Variants in NLRP7 observed in about 807,000 individuals in gnomAD.
NLRP7 encodes the protein NACHT, LRR and PYD domains-containing protein 7.
Under a neutral mutation model 85.5 loss-of-function variants are expected in NLRP7, and 72 were observed. The observed-to-expected ratio is 0.84, with a 90% CI of 0.70 to 1.02. The LOEUF (loss-of-function observed/expected upper bound fraction) is 1.02. Ranked by LOEUF, NLRP7 falls within the 50% of genes least tolerant of loss-of-function variation. NLRP7 has a pLI of 0.00. For missense variants in NLRP7, 1,243 were observed against 1,219.5 expected (o/e 1.02, Z -0.29); for synonymous variants, 550 against 505.2 (o/e 1.09, Z -1.19).
exon 9 of NLRP7, chr19:54,930,560 G>A (rs1428013749): frequency 2.5e-6 from 4 of 1,612,194 alleles, no homozygotes; most frequent in East Asian, 2.2e-5. Flanking sequence ...CACAATCCAC[G>A]AGCTATCTGG....
intron 1 of NLRP7, among the ~76,000 whole-genome samples, chr19:54,964,035 A>T (rs2070184089): frequency 6.8e-6 from 1 of 147,562 alleles, no homozygotes; most frequent in African/African-American, 2.5e-5. Flanking sequence ...ACCCGCCACC[A>T]CGCCCGACTA....
chr19:54,923,527 A>T (rs1003826452), exon 10 of NLRP7: 2 of 621,494 alleles, frequency 3.2e-6, no homozygotes, highest in Non-Finnish European at 5.7e-6. Flanking sequence ...GAGTGCTCTA[A>T]CTTTATTATC....
intron 1 of NLRP7, among the ~76,000 whole-genome samples, chr19:54,956,784 C>T (rs2069871421): frequency 6.6e-6 from 1 of 151,492 alleles, no homozygotes; most frequent in Admixed American, 6.6e-5. Context: ...CACCCAACAC[C>T]ACGCCTTCTA....
At chr19:54,947,533 G>A (rs372417335), upstream of NLRP7, 6 of 1,289,546 alleles carry the variant, frequency 4.7e-6, no homozygotes, top group African/African-American at 9.1e-5. Context: ...AAAAAGGGGA[G>A]GTCTCTGGCC....
intron 1 of NLRP7, chr19:54,953,389 A>C (rs1333721160): frequency 2.0e-5 from 3 of 152,316 alleles, no homozygotes; most frequent in Non-Finnish European, 2.9e-5. Flanking sequence ...TGGGGGCTGC[A>C]TGCACTGGTA....
intron 1 of NLRP7, among the ~76,000 whole-genome samples, chr19:54,946,110 T>C (rs1360861916): frequency 6.6e-6 from 1 of 151,188 alleles, no homozygotes. Flanking sequence ...TTTCTCTATG[T>C]TGGCCAGGCT....
chr19:54,945,567 G>A (rs1051275037), intron 1 of NLRP7, among the ~76,000 whole-genome samples: 1 of 151,582 alleles, frequency 6.6e-6, no homozygotes, highest in Non-Finnish European at 1.5e-5. Context: ...ACCAGGCCTG[G>A]CCAAGTATTT....
At position 54,936,440 on chromosome 19, in the gene NLRP7, AAGCAGAAGAG is replaced by A. The variant is rs2068931558; in HGVS notation, c.2130-19_2130-10del. 6.2e-7 allele frequency: 1 copy of A among 1,612,254 alleles called. No homozygotes were observed. Among genetic ancestry groups the A allele is most frequent in the Admixed American group, 1.7e-5 (1 of 59,972 alleles). On this transcript the variant is annotated splice_polypyrimidine_tract_variant and intron_variant, in intron 5 of 9. Transcript: ENST00000340844. ...GGGTGACGTTTTTAATCCTAGGGAA[AAGCAGAAGAG>A]ATTCCACTTGGAGTGATTAATACTC...
intron 1 of NLRP7, among the ~76,000 whole-genome samples, chr19:54,956,097 G>A (rs531176127): frequency 1.4e-4 from 21 of 149,950 alleles, no homozygotes; most frequent in South Asian, 2.1e-4. Flanking sequence ...CCATGATCTC[G>A]CAACTGCACT....
Position 54,934,664 on chromosome 19 carries a change from G to C in NLRP7, c.2301-5C>G. The stretch of plus-strand genomic sequence containing the variant: ...GTGGCACAGTGACCTCCCAACCTGT[G>C]AAAAGAGTGGGAAAAGTCATTCTTC... On this transcript the variant is annotated splice_region_variant and splice_polypyrimidine_tract_variant and intron_variant, in intron 6 of 9. Transcript: ENST00000340844. This position sits in a 1 kb window ranked among gnomAD's most constrained non-coding sequence, Gnocchi z 6.7. 1 of 1,611,236 alleles carries C rather than the reference G, an allele frequency of 6.2e-7. No individual in the cohort carries two copies. Among genetic ancestry groups the C allele is most frequent in the Non-Finnish European group, 8.5e-7 (1 of 1,178,556 alleles).
chr19:54,925,010 G>C (rs1169597579), intron 9 of NLRP7, among the ~76,000 whole-genome samples: 1 of 152,078 alleles, frequency 6.6e-6, no homozygotes, highest in East Asian at 1.9e-4. Flanking sequence ...TGAACCCCAG[G>C]GTTAATGATA....
At chr19:54,935,803 C>T (rs2068894213) in intron 6 of NLRP7, among the ~76,000 whole-genome samples, 1 of 152,192 alleles carries the variant, frequency 6.6e-6, no homozygotes, top group South Asian at 2.1e-4. Context: ...TCCTCAGGCT[C>T]CCAAAGTGCG....
At chr19:54,946,086 C>G (rs924005901) in intron 1 of NLRP7, among the ~76,000 whole-genome samples, 1 of 149,738 alleles carries the variant, frequency 6.7e-6, no homozygotes, top group African/African-American at 2.5e-5. Flanking sequence ...CCACCGCGCC[C>G]GGCCGAGACA....
At chr19:54,927,831 C>T (rs996385503) in intron 9 of NLRP7, 56 bp from the exon 10 acceptor site, 11 of 1,488,102 alleles carry the variant, frequency 7.4e-6, no homozygotes, top group East Asian at 6.8e-5. Flanking sequence ...GTGGCTCAAG[C>T]GTGTAATCCC....
intron 1 of NLRP7, among the ~76,000 whole-genome samples, chr19:54,955,056 G>A (rs561478215): frequency 2.0e-5 from 3 of 152,150 alleles, no homozygotes; most frequent in South Asian, 2.1e-4. Flanking sequence ...GGCCGGGCGC[G>A]GTGGCTCACG....
At position 54,934,712 on chromosome 19, in the gene NLRP7, T is replaced by A; in HGVS notation, c.2301-53A>T. 7.0e-7 allele frequency: 1 copy of A among 1,433,460 alleles called. No individual in the cohort carries two copies. The highest frequency in any genetic ancestry group is 9.5e-7 in the Non-Finnish European group (1 of 1,057,426). The allele number at this position is 1,433,460 out of a possible 1,614,324, so 88.8% of individuals were successfully genotyped here. On this transcript the variant is annotated intron_variant, in intron 6 of 9. Coordinates refer to ENST00000340844, the Ensembl canonical transcript of NLRP7. The surrounding 1 kb of genome is among the most constrained non-coding windows in gnomAD (Gnocchi z 6.7). Reference sequence around the variant, plus strand: ...TTCTGGGAGGACAGAGTATACCCTATCAGCTTTTTTTTTTTGAGACAGAGT... The same window carrying A: ...TTCTGGGAGGACAGAGTATACCCTAACAGCTTTTTTTTTTTGAGACAGAGT...
chr19:54,947,889 TA>T (rs151055964), upstream of NLRP7: 4,146 of 249,058 alleles, frequency 0.017, 187 homozygotes, highest in African/African-American at 0.088. Flanking sequence ...AAATAAAAAT[TA>T]AAAAAAAAGA....
chr19:54,949,445 T>C (rs1427210839), upstream of NLRP7, among the ~76,000 whole-genome samples: 2 of 151,816 alleles, frequency 1.3e-5, no homozygotes, highest in Non-Finnish European at 2.9e-5. Flanking sequence ...AAAAATAAAT[T>C]ATATTCTAGC....
upstream of NLRP7, among the ~76,000 whole-genome samples, chr19:54,951,625 A>T (rs1416851541): frequency 6.6e-6 from 1 of 152,190 alleles, no homozygotes; most frequent in Admixed American, 6.6e-5. Context: ...TAAAAATGAA[A>T]AAATGTGAAT....
Sources: gnomAD v4.1 joint callset for allele counts (sites outside exome capture counted in the v4.1 genomes callset) on GRCh38, gnomAD v4.1.1 for gene constraint, Gnocchi (gnomAD v3.1) non-coding constraint, MANE v1.5 for transcripts, NCBI Gene and HGNC (gene_info 2026-07-23, HGNC 2026-07-21) for gene names.